Variants in CCDC148 observed in about 807,000 individuals in gnomAD.
CCDC148 encodes the protein coiled-coil domain containing 148.
CCDC148 carries 89 observed loss-of-function variants against 85.7 expected under a neutral mutation model. The observed-to-expected ratio is 1.04, with a 90% CI of 0.87 to 1.24. CCDC148 has a LOEUF of 1.24. Among genes scored for constraint, CCDC148 ranks in the 50% most tolerant of loss-of-function variants. The pLI is 0.00. For synonymous variants in CCDC148, 230 were observed against 213.9 expected (o/e 1.08, Z -0.66); for missense variants, 692 against 671.7 (o/e 1.03, Z -0.33).
chr2:158,297,874 C>T (rs1691263316), intron 9 of CCDC148, among the ~76,000 whole-genome samples: 2 of 152,232 alleles, frequency 1.3e-5, no homozygotes, highest in Non-Finnish European at 2.9e-5. Context: ...CATGCCATGT[C>T]TGTCTCTTCA....
chr2:158,274,863 T>C (rs1323533740), intron 9 of CCDC148, among the ~76,000 whole-genome samples: 2 of 152,224 alleles, frequency 1.3e-5, no homozygotes, highest in African/African-American at 4.8e-5. Context: ...CAAGTGAGTC[T>C]GACAGGTGGC....
At chr2:158,257,389 T>A (rs1689053279) in intron 9 of CCDC148, among the ~76,000 whole-genome samples, 1 of 151,908 alleles carries the variant, frequency 6.6e-6, no homozygotes, top group African/African-American at 2.4e-5. Context: ...TTTTATTAAA[T>A]CTTTAACAGT....
At chr2:158,320,650 A>G (rs546020951) in intron 7 of CCDC148, among the ~76,000 whole-genome samples, 70 of 152,334 alleles carry the variant, frequency 4.6e-4, no homozygotes, top group African/African-American at 1.6e-3. Flanking sequence ...ATTATCCAAT[A>G]ACAAATGTCA....
At chr2:158,291,243 G>T (rs920549979) in intron 9 of CCDC148, among the ~76,000 whole-genome samples, 1 of 152,026 alleles carries the variant, frequency 6.6e-6, no homozygotes, top group Non-Finnish European at 1.5e-5. Flanking sequence ...ATGTGCCACG[G>T]TCCCCAGGTC....
At chr2:158,310,119 G>A (rs1433205862) in intron 8 of CCDC148, among the ~76,000 whole-genome samples, 1 of 152,196 alleles carries the variant, frequency 6.6e-6, no homozygotes. Flanking sequence ...AGGGAGTGGT[G>A]ATGACTCTTA....
At position 158,250,821 on chromosome 2, in the gene CCDC148, T is replaced by G. The variant is rs760248981; in HGVS notation, c.1202A>C (p.Lys401Thr). The G allele has an allele frequency of 1.8e-5, 29 of 1,603,828 alleles. No homozygotes were observed. The highest frequency in any genetic ancestry group is 3.4e-5 in the Admixed American group (2 of 59,264). The part of the protein sequence containing the change: ...RRREKEEEKE[K>T]LWKKKELLQR... ...CAACAATTCCTTCTTCTTCCACAGTTTCTCTTTCTCCTCTTCCTTTTCTCT... is the reference window on the plus strand; with the variant it reads ...CAACAATTCCTTCTTCTTCCACAGTGTCTCTTTCTCCTCTTCCTTTTCTCT... Residue 401 changes from lysine (K) to threonine (T), a missense_variant, in exon 10 of 14, where the codon AAA becomes ACA. Physicochemically the swap from Lys to Thr is moderately conservative, Grantham distance 78. Transcript: ENST00000283233.
chr2:158,368,452 A>G (rs887508097), intron 1 of CCDC148, among the ~76,000 whole-genome samples: 2 of 152,154 alleles, frequency 1.3e-5, no homozygotes, highest in African/African-American at 4.8e-5. Context: ...TGTTGTTAAA[A>G]TACTTTTGGC....
chr2:158,190,843 T>A (rs1378889126), intron 11 of CCDC148, among the ~76,000 whole-genome samples: 1 of 151,902 alleles, frequency 6.6e-6, no homozygotes, highest in South Asian at 2.1e-4. Flanking sequence ...ATTGGAGAGG[T>A]TTTTTTCAGC....
At position 158,197,261 on chromosome 2, in the gene CCDC148, A is replaced by G. The variant is rs566340715; in HGVS notation, c.1371-18265T>C. 5.3e-5 allele frequency among the ~76,000 whole-genome samples: 8 copies of G among 152,294 alleles called. No homozygotes were observed. The South Asian group carries it at 1.7e-3, about 32-fold the overall frequency. On this transcript the variant is annotated intron_variant, in intron 11 of 13. Transcript: ENST00000283233. ...ATTATCTGAAGGTTTTATTTCTCCT[A>G]AAGTTTTTTTTAATCAACATTTTAA...
chr2:158,371,675 T>TA (rs777461109), intron 1 of CCDC148, among the ~76,000 whole-genome samples: 6 of 151,386 alleles, frequency 4.0e-5, no homozygotes, highest in Admixed American at 6.6e-5. Context: ...CATATACATA[T>TA]ATATATATAT....
intron 1 of CCDC148, among the ~76,000 whole-genome samples, chr2:158,384,554 C>T (rs1685007579): frequency 6.6e-6 from 1 of 152,144 alleles, no homozygotes. Flanking sequence ...TTTCTGCCTT[C>T]CCTTCACCTT....
intron 9 of CCDC148, among the ~76,000 whole-genome samples, chr2:158,264,451 C>T (rs1689368924): frequency 6.6e-6 from 1 of 152,062 alleles, no homozygotes; most frequent in African/African-American, 2.4e-5. Flanking sequence ...GAACCCCCTT[C>T]ACGTGGGATG....
intron 1 of CCDC148, among the ~76,000 whole-genome samples, chr2:158,430,384 C>G (rs1001455581): frequency 3.3e-5 from 5 of 152,148 alleles, no homozygotes; most frequent in African/African-American, 1.2e-4. Flanking sequence ...ACAGACAAAT[C>G]AGGCATTCAA....
chr2:158,228,998 A>AG (rs397761063), intron 10 of CCDC148, among the ~76,000 whole-genome samples: 24 of 151,348 alleles, frequency 1.6e-4, no homozygotes, highest in African/African-American at 5.3e-4. Context: ...AGAAAAAAAA[A>AG]GAATTCAGAT....
rs761755022 is a variant in CCDC148, at chr2:158,179,015, A to G, written c.1371-19T>C. On this transcript the variant is annotated intron_variant, in intron 11 of 13. Coordinates refer to ENST00000283233, the MANE Select transcript of CCDC148 (RefSeq NM_138803.4). ...TTTAACCCTTTAAAAATAACACAGA[A>G]GGAAGTTGTGGAAGCATCATAATAA... 7.6e-6 allele frequency: 12 copies of G among 1,576,096 alleles called. No homozygotes were observed. Among genetic ancestry groups the G allele is most frequent in the Admixed American group, 1.7e-5 (1 of 59,850 alleles).
Position 158,289,004 on chromosome 2 carries a change from T to C in CCDC148, c.1110+20429A>G, listed in dbSNP as rs377146270. Among the ~76,000 whole-genome samples the C allele has an allele frequency of 8.5e-5, 13 of 152,274 alleles. 2 individuals carry two copies. Among genetic ancestry groups the C allele is most frequent in the Admixed American group, 6.5e-4 (10 of 15,300 alleles). ...TAAATCCATCATATCTCATGAGACT[T>C]AGTCACTATTATGAGAATAGCATGG... On this transcript the variant is annotated intron_variant, in intron 9 of 13. Coordinates refer to ENST00000283233, the MANE Select transcript of CCDC148 (RefSeq NM_138803.4).
chr2:158,266,738 G>C (rs1689470515), intron 9 of CCDC148, among the ~76,000 whole-genome samples: 1 of 151,892 alleles, frequency 6.6e-6, no homozygotes, highest in Non-Finnish European at 1.5e-5. Context: ...TTCCATTCCT[G>C]AGTTACCTCA....
chr2:158,351,222 T>C (rs1449107002), intron 2 of CCDC148, among the ~76,000 whole-genome samples: 1 of 152,176 alleles, frequency 6.6e-6, no homozygotes, highest in Non-Finnish European at 1.5e-5. Flanking sequence ...AGGTAAGGGC[T>C]GACCATAGCC....
intron 11 of CCDC148, among the ~76,000 whole-genome samples, chr2:158,206,724 A>G (rs1406519878): frequency 6.6e-6 from 1 of 152,192 alleles, no homozygotes; most frequent in Non-Finnish European, 1.5e-5. Flanking sequence ...AAGGAATAAG[A>G]TTGGAGGATT....
Sources: allele counts gnomAD v4.1 joint callset (sites outside exome capture counted in the v4.1 genomes callset), GRCh38; gene constraint gnomAD v4.1.1; transcripts MANE v1.5; gene names NCBI Gene and HGNC (gene_info 2026-07-23, HGNC 2026-07-21).